The following PARD3B variants were observed in gnomAD, a reference collection of about 807,000 sequenced individuals.
PARD3B encodes partitioning defective 3 homolog B.
A neutral mutation model predicts 130.2 loss-of-function variants in PARD3B; 103 were observed. The observed-to-expected ratio is 0.79, with a 90% CI of 0.67 to 0.93. The LOEUF (loss-of-function observed/expected upper bound fraction) is 0.93. Among genes scored for constraint, PARD3B ranks in the 40% least tolerant of loss-of-function variants. The pLI is 0.00. For missense variants in PARD3B, 1,609 were observed against 1,499.2 expected, an observed-to-expected ratio of 1.07 and a Z score of -1.21; for synonymous variants, 583 against 553.2, an observed-to-expected ratio of 1.05 and a Z score of -0.76.
intron 22 of PARD3B, among the ~76,000 whole-genome samples, chr2:205,612,752 T>C (rs113724746): frequency 6.6e-6 from 1 of 152,204 alleles, no homozygotes; most frequent in African/African-American, 2.4e-5. Context: ...GCTACCTCTC[T>C]TGCTTTCTGC....
intron 20 of PARD3B, among the ~76,000 whole-genome samples, chr2:205,447,109 A>G (rs2047933019): frequency 6.6e-6 from 1 of 152,230 alleles, no homozygotes; most frequent in South Asian, 2.1e-4. Flanking sequence ...AATTTACCCT[A>G]CTAATATATT....
At chr2:204,695,277 G>GT (rs1277145809) in intron 2 of PARD3B, among the ~76,000 whole-genome samples, 3 of 151,508 alleles carry the variant, frequency 2.0e-5, no homozygotes, top group East Asian at 1.9e-4. Context: ...ATATACATCT[G>GT]TTTTTTTACT....
At chr2:205,061,312 C>T (rs1700050777) in intron 4 of PARD3B, among the ~76,000 whole-genome samples, 1 of 152,056 alleles carries the variant, frequency 6.6e-6, no homozygotes, top group Admixed American at 6.6e-5. Context: ...ATGTGGAAGG[C>T]TAGAGTGGTT....
At chr2:204,546,257 C>T in intron 1 of PARD3B, 138 bp downstream of exon 1, 1 of 1,249,978 alleles carries the variant, frequency 8.0e-7, no homozygotes, top group Non-Finnish European at 1.1e-6. Flanking sequence ...TTGTCTATTG[C>T]TAATATCAGT....
chr2:204,851,678 T>A (rs1180553149), intron 2 of PARD3B, among the ~76,000 whole-genome samples: 1 of 152,168 alleles, frequency 6.6e-6, no homozygotes, highest in East Asian at 1.9e-4. Flanking sequence ...AAATATACGT[T>A]ATCAACTGGC....
At chr2:204,854,854 C>G (rs1416509682) in intron 2 of PARD3B, among the ~76,000 whole-genome samples, 1 of 152,090 alleles carries the variant, frequency 6.6e-6, no homozygotes, top group Middle Eastern at 3.4e-3. Flanking sequence ...GTCCTGGACA[C>G]ACACAAGGAG....
At position 205,351,036 on chromosome 2, in the gene PARD3B, A is replaced by T. The variant is rs2043977725; in HGVS notation, c.2630+49335A>T. Among the ~76,000 whole-genome samples, 1 of 152,184 alleles carries T rather than the reference A, an allele frequency of 6.6e-6. No homozygotes were observed. The highest frequency in any genetic ancestry group is 2.4e-5 in the African/African-American group (1 of 41,442). On this transcript the variant is annotated intron_variant, in intron 18 of 22. Transcript: ENST00000406610. The surrounding 1 kb of genome is among the most constrained non-coding windows in gnomAD (Gnocchi z 4.2). The stretch of plus-strand genomic sequence containing the variant: ...CAAAACAATGATAAGAGCAACTTCT[A>T]AAAAAATCTGTCTTCTTGGTTCAGT...
At chr2:204,745,407 CT>C (rs71032405) in intron 2 of PARD3B, among the ~76,000 whole-genome samples, 124,114 of 141,036 alleles carry the variant, frequency 0.88, 54,439 homozygotes, top group East Asian at 0.95. Flanking sequence ...TAAATACTAC[CT>C]TTTTTTTTTT....
intron 3 of PARD3B, among the ~76,000 whole-genome samples, chr2:205,016,885 G>T (rs1696188581): frequency 6.6e-6 from 1 of 152,132 alleles, no homozygotes; most frequent in African/African-American, 2.4e-5. Context: ...TGGGAAGATG[G>T]ATGGATAAAA....
chr2:205,559,973 T>TG (rs1259940517), intron 22 of PARD3B, among the ~76,000 whole-genome samples: 1 of 152,176 alleles, frequency 6.6e-6, no homozygotes, highest in African/African-American at 2.4e-5. Flanking sequence ...TTGCATCTCC[T>TG]GACTGACAAT....
intron 13 of PARD3B, among the ~76,000 whole-genome samples, chr2:205,181,406 A>G (rs140782068): frequency 1.3e-5 from 2 of 152,356 alleles, no homozygotes; most frequent in African/African-American, 4.8e-5. Flanking sequence ...GGAGTGGTGA[A>G]TGCAGTAGTA....
rs74943897 is a variant in PARD3B at position 205,540,093 on chromosome 2, G to A, written c.3181-13231G>A. Among the ~76,000 whole-genome samples, 120 of 152,216 alleles carry A rather than the reference G, an allele frequency of 7.9e-4. 2 individuals are homozygous for A. In the East Asian group the frequency reaches 0.02, roughly 25 times the overall value. On this transcript the variant is annotated intron_variant, in intron 21 of 22. Coordinates refer to ENST00000406610, the MANE Select transcript of PARD3B (RefSeq NM_001302769.2). ...GTCCTCCACAGCATGTGAGTTGTGC[G>A]GCACCGTCATGCTACATCCATGTCT... is the stretch of plus-strand genomic sequence containing the variant.
chr2:205,542,975 T>C (rs2052226684), intron 21 of PARD3B, among the ~76,000 whole-genome samples: 1 of 152,224 alleles, frequency 6.6e-6, no homozygotes, highest in South Asian at 2.1e-4. Context: ...TTTGATAGTA[T>C]GTTTTCTCTG....
intron 4 of PARD3B, among the ~76,000 whole-genome samples, chr2:205,097,379 A>G (rs1423965552): frequency 6.6e-6 from 1 of 152,180 alleles, no homozygotes; most frequent in African/African-American, 2.4e-5. Context: ...CACTAACACA[A>G]CATGTAAAAG....
At chr2:205,367,982 G>A (rs2044671476) in intron 18 of PARD3B, among the ~76,000 whole-genome samples, 1 of 152,102 alleles carries the variant, frequency 6.6e-6, no homozygotes, top group Non-Finnish European at 1.5e-5. Context: ...CACTCACTGT[G>A]GTATTTATTT....
rs574918735 is a variant in PARD3B, at chr2:204,946,403, T to A, written c.223-18749T>A. ...TATCTGCTTTTAATTTTGCTCTGTT[T>A]CCTTTTAGCTCTGCTTTTTCTGTTT... is the stretch of plus-strand genomic sequence containing the variant. On this transcript the variant is annotated intron_variant, in intron 2 of 22. Coordinates refer to ENST00000406610, the MANE Select transcript of PARD3B (RefSeq NM_001302769.2). Among the ~76,000 whole-genome samples the A allele has an allele frequency of 9.2e-5, 14 of 152,320 alleles. No homozygotes were observed. In the South Asian group the frequency reaches 2.9e-3, roughly 32 times the overall value.
At chr2:204,599,542 A>G (rs1375010145) in intron 1 of PARD3B, among the ~76,000 whole-genome samples, 2 of 151,960 alleles carry the variant, frequency 1.3e-5, no homozygotes, top group Non-Finnish European at 2.9e-5. Flanking sequence ...TGGCTTAATA[A>G]TATTCCATTG....
intron 1 of PARD3B, among the ~76,000 whole-genome samples, chr2:204,604,124 G>A (rs886565115): frequency 2.6e-5 from 4 of 152,090 alleles, no homozygotes; most frequent in South Asian, 2.1e-4. Context: ...TAGTGACCTC[G>A]TTTCTAGTCC....
At chr2:205,032,249 G>A (rs758663595) in intron 3 of PARD3B, among the ~76,000 whole-genome samples, 1 of 152,020 alleles carries the variant, frequency 6.6e-6, no homozygotes, top group Non-Finnish European at 1.5e-5. Flanking sequence ...TCTCCAGCTT[G>A]TGTAATGGGC....
Sources: allele counts gnomAD v4.1 joint callset (sites outside exome capture counted in the v4.1 genomes callset), GRCh38; gene constraint gnomAD v4.1.1; non-coding constraint Gnocchi (gnomAD v3.1); transcripts MANE v1.5; gene names NCBI Gene and HGNC (gene_info 2026-07-23, HGNC 2026-07-21).